Variants in MSRA observed in about 807,000 individuals in gnomAD.
MSRA encodes the protein mitochondrial peptide methionine sulfoxide reductase.
In MSRA, 54 loss-of-function variants were observed where a neutral mutation model predicts 31.3. The ratio of observed to expected loss-of-function variants is 1.73; its 90% CI spans 1.39 to 2.17. The LOEUF (loss-of-function observed/expected upper bound fraction) is 2.17. Ranked by LOEUF, MSRA falls within the 30% of genes most tolerant of loss-of-function variation. The pLI, the probability that MSRA is intolerant of heterozygous loss-of-function variation, is 0.00. For synonymous variants in MSRA, 169 were observed against 116.5 expected, an observed-to-expected ratio of 1.45 and a Z score of -2.90; for missense variants, 507 against 300.9, an observed-to-expected ratio of 1.69 and a Z score of -5.07.
intron 4 of MSRA, 79 bp downstream of exon 4, chr8:10,301,717 A>T: frequency 1.7e-6 from 2 of 1,150,410 alleles, no homozygotes; most frequent in Non-Finnish European, 2.5e-6. Context: ...TGCATGGAAG[A>T]GATGAACCTT....
intron 1 of MSRA, among the ~76,000 whole-genome samples, chr8:10,160,741 G>T (rs1804566415): frequency 6.6e-6 from 1 of 151,390 alleles, no homozygotes; most frequent in Non-Finnish European, 1.5e-5. Flanking sequence ...TCTTGGCCAG[G>T]CAGATCTTGA....
chr8:10,232,473 G>T (rs1229024306), intron 2 of MSRA, among the ~76,000 whole-genome samples: 1 of 152,176 alleles, frequency 6.6e-6, no homozygotes, highest in Non-Finnish European at 1.5e-5. Context: ...GTCAGATCTG[G>T]AAAACTGCCT....
chr8:10,270,075 T>C (rs1222388210), intron 3 of MSRA, among the ~76,000 whole-genome samples: 1 of 152,174 alleles, frequency 6.6e-6, no homozygotes, highest in African/African-American at 2.4e-5. Flanking sequence ...AGGAAAAAAG[T>C]TTTGTAGTTG....
intron 1 of MSRA, among the ~76,000 whole-genome samples, chr8:10,116,922 C>T (rs575841353): frequency 4.8e-4 from 73 of 152,196 alleles, no homozygotes; most frequent in Non-Finnish European, 8.4e-4. Flanking sequence ...GCCAAGATTG[C>T]GCCATTGCAC....
chr8:10,297,299 T>C (rs1800598772), intron 3 of MSRA, among the ~76,000 whole-genome samples: 2 of 152,280 alleles, frequency 1.3e-5, no homozygotes, highest in African/African-American at 4.8e-5. Flanking sequence ...TGGAGGGAGA[T>C]GCTTAGAGAG....
chr8:10,210,758 G>A (rs1186454447), intron 2 of MSRA, among the ~76,000 whole-genome samples: 5 of 150,082 alleles, frequency 3.3e-5, no homozygotes, highest in Admixed American at 6.6e-5. Context: ...TTTTGAGATG[G>A]TGTCTTACTC....
At chr8:10,060,248 GT>G (rs1320583524) in intron 1 of MSRA, among the ~76,000 whole-genome samples, 2 of 152,192 alleles carry the variant, frequency 1.3e-5, no homozygotes, top group African/African-American at 2.4e-5. Flanking sequence ...ATAAATTACA[GT>G]TCATTGTCAC....
At chr8:10,313,802 G>A (rs11249985) in intron 4 of MSRA, among the ~76,000 whole-genome samples, 29,020 of 152,244 alleles carry the variant, frequency 0.19, 3,670 homozygotes, top group Non-Finnish European at 0.29. Context: ...AGCTACAGCT[G>A]TTAAGACATT....
chr8:10,273,464 G>C (rs1563295263), intron 3 of MSRA, among the ~76,000 whole-genome samples: 1 of 152,122 alleles, frequency 6.6e-6, no homozygotes, highest in Non-Finnish European at 1.5e-5. Flanking sequence ...GGGGAAAATA[G>C]TTTTCTATCC....
rs1809339276 is a variant in MSRA at position 10,428,479 on chromosome 8, T to C, written c.*167T>C. ...AATCTATAGGAGGCGCGATGGCAAGTTGATAAAATGTGACTTATCTCCTAA... is the reference window on the plus strand; with the variant it reads ...AATCTATAGGAGGCGCGATGGCAAGCTGATAAAATGTGACTTATCTCCTAA... On this transcript the variant is annotated 3_prime_UTR_variant, in exon 6 of 6. Transcript: ENST00000317173. The C allele has an allele frequency of 1.4e-6, 1 of 697,086 alleles. No homozygotes were observed. Among genetic ancestry groups the C allele is most frequent in the Non-Finnish European group, 2.3e-6 (1 of 426,062 alleles). The allele number at this position is 697,086 out of a possible 1,614,324, so 43.2% of individuals were successfully genotyped here.
At chr8:10,329,336 G>C (rs546242050) in intron 5 of MSRA, among the ~76,000 whole-genome samples, 2 of 152,200 alleles carry the variant, frequency 1.3e-5, no homozygotes, top group African/African-American at 2.4e-5. Context: ...GGATCTTCCA[G>C]CGTCTGGTGG....
At chr8:10,088,651 G>A (rs758192501) in intron 1 of MSRA, among the ~76,000 whole-genome samples, 2 of 152,222 alleles carry the variant, frequency 1.3e-5, no homozygotes, top group East Asian at 1.9e-4. Flanking sequence ...CGAGAGAATC[G>A]TTTGAACCTG....
intron 4 of MSRA, among the ~76,000 whole-genome samples, chr8:10,305,394 C>A (rs1424787158): frequency 6.7e-6 from 1 of 148,618 alleles, no homozygotes; most frequent in African/African-American, 2.5e-5. Context: ...GATGAAGTCC[C>A]CATGTGTTTT....
At chr8:10,158,804 C>T (rs1421112702) in intron 1 of MSRA, among the ~76,000 whole-genome samples, 1 of 152,156 alleles carries the variant, frequency 6.6e-6, no homozygotes, top group African/African-American at 2.4e-5. Context: ...TGAGGAACTT[C>T]CACACTGTTT....
intron 3 of MSRA, among the ~76,000 whole-genome samples, chr8:10,283,160 A>ACACACACTCTCTCTCTCTCTCTCT: frequency 0.047 from 6,528 of 139,878 alleles, 250 homozygotes; most frequent in East Asian, 0.18. Flanking sequence ...ACACACACAC[A>ACACACACTCTCTCTCTCTCTCTCT]CTCTCACCCT....
At chr8:10,397,478 G>A (rs531835619) in intron 5 of MSRA, among the ~76,000 whole-genome samples, 4 of 152,298 alleles carry the variant, frequency 2.6e-5, no homozygotes, top group East Asian at 3.9e-4. Flanking sequence ...GAGCTCTGGG[G>A]TATGAGCCTT....
chr8:10,056,676 C>T (rs1416721741), intron 1 of MSRA, among the ~76,000 whole-genome samples: 1 of 152,118 alleles, frequency 6.6e-6, no homozygotes, highest in Non-Finnish European at 1.5e-5. Flanking sequence ...GCTGAAAGCC[C>T]TGACTGGCTC....
intron 1 of MSRA, among the ~76,000 whole-genome samples, chr8:10,059,361 T>G (rs899173189): frequency 1.3e-5 from 2 of 152,200 alleles, no homozygotes; most frequent in African/African-American, 2.4e-5. Flanking sequence ...TCACCACTTA[T>G]AGATGTGGAA....
At chr8:10,196,860 C>T (rs1032269494) in intron 1 of MSRA, among the ~76,000 whole-genome samples, 1 of 152,174 alleles carries the variant, frequency 6.6e-6, no homozygotes, top group African/African-American at 2.4e-5. Flanking sequence ...GCATGAGCCA[C>T]TGTACCTGGC....
Sources: gnomAD v4.1 joint callset for allele counts (sites outside exome capture counted in the v4.1 genomes callset) on GRCh38, gnomAD v4.1.1 for gene constraint, MANE v1.5 for transcripts, NCBI Gene and HGNC (gene_info 2026-07-23, HGNC 2026-07-21) for gene names.